Variants in ADNP observed in about 807,000 individuals in gnomAD.
ADNP encodes activity dependent neuroprotector homeobox, also known as activity-dependent neuroprotector homeobox protein.
A neutral mutation model predicts 84.9 loss-of-function variants in ADNP; 4 were observed. The ratio of observed to expected loss-of-function variants is 0.05; its 90% confidence interval spans 0.02 to 0.11. The LOEUF (loss-of-function observed/expected upper bound fraction) is 0.11. Among genes scored for constraint, ADNP ranks in the 10% least tolerant of loss-of-function variants. The pLI, the probability that ADNP is intolerant of heterozygous loss-of-function variation, is 1.00. For synonymous variants in ADNP, 554 were observed against 468.1 expected, an observed-to-expected ratio of 1.18 and a Z score of -2.37; for missense variants, 1,132 against 1,326.0, an observed-to-expected ratio of 0.85 and a Z score of 2.27.
intron 2 of ADNP, among the ~76,000 whole-genome samples, chr20:50,919,459 G>T (rs576472706): frequency 2.0e-5 from 3 of 152,028 alleles, no homozygotes; most frequent in East Asian, 1.9e-4. Context: ...TGGAACTTTG[G>T]TTTTTTTCCC....
Position 50,892,986 on chromosome 20 carries a change from A to C in ADNP, c.1728T>G (p.Ala576=). Residue 576 remains alanine (A), a synonymous_variant, in exon 6 of 6, where the codon GCT becomes GCG. Transcript: ENST00000621696. ...TTTGGGCATGGTAAGCAACAGATTC[A>C]GCTGGGGCATCCCTCAGATTGTATG... is the stretch of plus-strand genomic sequence containing the variant. ...VTTYNLRDAP[A]ESVAYHAQNN... is the part of the protein sequence containing the mutation. 6.2e-7 allele frequency: 1 copy of C among 1,614,236 alleles called. No homozygotes were observed. Among genetic ancestry groups the C allele is most frequent in the Non-Finnish European group, 8.5e-7 (1 of 1,180,040 alleles).
At chr20:50,907,769 GT>G (rs35227972) in intron 2 of ADNP, among the ~76,000 whole-genome samples, 7 of 116,408 alleles carry the variant, frequency 6.0e-5, no homozygotes, top group African/African-American at 2.7e-4. Context: ...GTGTGTGTGT[GT>G]TTTTTTTTGT....
chr20:50,914,445 AGT>A (rs1983341175), intron 2 of ADNP: 1 of 443,480 alleles, frequency 2.3e-6, no homozygotes, highest in African/African-American at 2.1e-5. Context: ...TGCTGTCCCC[AGT>A]GTCCTGGAAA....
In ADNP at chr20:50,891,293, A is replaced by C. The variant is rs372185319; in HGVS notation, c.*112T>G. 3.5e-6 allele frequency: 5 copies of C among 1,433,706 alleles called. No homozygotes were observed. 88.8% of individuals were successfully genotyped at this position (1,433,706 alleles called of 1,614,324 possible). On this transcript the variant is annotated 3_prime_UTR_variant, in exon 6 of 6. Transcript: ENST00000621696. Reference sequence around the variant, plus strand: ...TGGAACTGCAGCGGCCACATGCCCCACAGTCCAACCAGTACTCACAAGGCA... The same window carrying C: ...TGGAACTGCAGCGGCCACATGCCCCCCAGTCCAACCAGTACTCACAAGGCA...
intron 2 of ADNP, among the ~76,000 whole-genome samples, chr20:50,919,905 G>A (rs1429673022): frequency 6.6e-6 from 1 of 152,142 alleles, no homozygotes; most frequent in Non-Finnish European, 1.5e-5. Context: ...GCTGGAGTCT[G>A]CTGCCATGTC....
chr20:50,919,566 A>AGATAT (rs1983798870), intron 2 of ADNP, among the ~76,000 whole-genome samples: 2 of 152,182 alleles, frequency 1.3e-5, no homozygotes, highest in Non-Finnish European at 2.9e-5. Flanking sequence ...AAAGGCTTAC[A>AGATAT]GATATGACAT....
chr20:50,896,254 A>G (rs1156782999), intron 5 of ADNP, among the ~76,000 whole-genome samples: 1 of 151,956 alleles, frequency 6.6e-6, no homozygotes, highest in Non-Finnish European at 1.5e-5. Flanking sequence ...CAAAACAAAC[A>G]CATTGTACAG....
In ADNP at chr20:50,928,237, A is replaced by G. The variant is rs554813907; in HGVS notation, c.-90+414T>C. 5.9e-5 allele frequency among the ~76,000 whole-genome samples: 9 copies of G among 152,344 alleles called. No individual in the cohort carries two copies. The South Asian group carries it at 1.7e-3, about 28-fold the overall frequency. ...ATCTTGGTGTATTTATGTAACATAC[A>G]AAGTCTTAAAGGTACCCACAAACAT... On this transcript the variant is annotated intron_variant, in intron 2 of 5. Transcript: ENST00000621696.
In ADNP at chr20:50,902,099, T is replaced by G. The variant is rs779504010; in HGVS notation, c.119A>C (p.Gln40Pro). Residue 40 changes from glutamine to proline, a missense_variant, in exon 5 of 6, where the codon CAA (glutamine) becomes CCA (proline). Gln to Pro is a moderately conservative substitution (Grantham distance 76). Coordinates refer to ENST00000621696, the MANE Select transcript of ADNP (RefSeq NM_001282531.3). Reference sequence around the variant, plus strand: ...CAAATAAAAGTCATTAGGTTCAAATTGTTTAAAATCCTAGAAAACAGTGAA... The same window carrying G: ...CAAATAAAAGTCATTAGGTTCAAATGGTTTAAAATCCTAGAAAACAGTGAA... ...YCKEHIEDFK[Q>P]FEPNDFYLKN... The G allele has an allele frequency of 1.2e-6, 2 of 1,609,972 alleles. No homozygotes were observed. The highest frequency in any genetic ancestry group is 2.7e-5 in the African/African-American group (2 of 74,828).
chr20:50,893,397 G>C lies in ADNP; in HGVS notation c.1317C>G (p.Asn439Lys). The C allele has an allele frequency of 6.2e-7, 1 of 1,614,208 alleles. No individual in the cohort carries two copies. The highest frequency in any genetic ancestry group is 8.5e-7 in the Non-Finnish European group (1 of 1,180,036). ...TTTTCCACTTTTGAGTTGAGGAAGT[G>C]TTACCTGGGGGAGGGCCTGTGGCAG... ...AAAATGPPPG[N>K]TSSTQKWKIC... is the part of the protein sequence containing the mutation. The change falls in exon 6 of 6, where the codon AAC (asparagine) becomes AAG (lysine). Residue 439 changes from asparagine to lysine, a missense_variant. Transcript: ENST00000621696. The surrounding 1 kb of genome is among the most constrained non-coding windows in gnomAD (Gnocchi z 4.4).
chr20:50,893,749 A>T lies in ADNP; in HGVS notation c.965T>A (p.Met322Lys). ...GTTCTGCTGCAGATGAACACTGGAC[A>T]TCATGTTGACTCCTGTAGAATTTAA... The part of the protein sequence containing the change: ...PNLNSTGVNM[M>K]SSVHLQQNNY... Residue 322 changes from methionine (M) to lysine (K), a missense_variant, in exon 6 of 6, where the codon ATG (methionine) becomes AAG (lysine). Met to Lys is a moderately conservative substitution (Grantham distance 95). Transcript: ENST00000621696. The surrounding 1 kb of genome is among the most constrained non-coding windows in gnomAD (Gnocchi z 4.4). 1 of 1,614,168 alleles carries T rather than the reference A, an allele frequency of 6.2e-7. No homozygotes were observed. The highest frequency in any genetic ancestry group is 8.5e-7 in the Non-Finnish European group (1 of 1,180,032).
chr20:50,926,053 T>C (rs1278979493), intron 2 of ADNP, among the ~76,000 whole-genome samples: 3 of 152,310 alleles, frequency 2.0e-5, no homozygotes, highest in Admixed American at 6.5e-5. Flanking sequence ...TGAGCCGACA[T>C]TGGGCCACCG....
chr20:50,922,330 G>GT (rs1159730977), intron 2 of ADNP, among the ~76,000 whole-genome samples: 1 of 152,178 alleles, frequency 6.6e-6, no homozygotes, highest in African/African-American at 2.4e-5. Flanking sequence ...GACTCCAACT[G>GT]TAAGTCTGGG....
chr20:50,892,150 C>CTGGAATCCTTCT lies in ADNP; in HGVS notation c.2552_2563dup (p.Ser854_Arg855insLysLysAspSer). On this transcript the variant is annotated inframe_insertion, in exon 6 of 6. Transcript: ENST00000621696. ...GTCAGCAGTCTTACTAGCATTGACTCTGGAATCCTTCTCATCATGATTTTC... is the reference window on the plus strand; with the variant it reads ...GTCAGCAGTCTTACTAGCATTGACTCTGGAATCCTTCTTGGAATCCTTCTCATCATGATTTTC... 1 of 1,614,144 alleles carries CTGGAATCCTTCT rather than the reference C, an allele frequency of 6.2e-7. No individual in the cohort carries two copies. Among genetic ancestry groups the CTGGAATCCTTCT allele is most frequent in the Non-Finnish European group, 8.5e-7 (1 of 1,180,036 alleles).
rs1980556604 is a variant in ADNP, at chr20:50,890,343, TTTACA to T, written c.*1057_*1061del. The T allele has an allele frequency of 6.5e-6, 1 of 153,800 alleles. No individual in the cohort carries two copies. The highest frequency in any genetic ancestry group is 1.4e-5 in the Non-Finnish European group (1 of 69,192). The allele number at this position is 153,800 out of a possible 1,614,324, so 9.5% of individuals were successfully genotyped here. On this transcript the variant is annotated 3_prime_UTR_variant, in exon 6 of 6. Coordinates refer to ENST00000621696, the MANE Select transcript of ADNP (RefSeq NM_001282531.3). ...ACTGTCATGTGTAATAAAGCAAATATTTACATTAAGCACAATACAGCAATTTATTT... is the reference window on the plus strand; with the variant it reads ...ACTGTCATGTGTAATAAAGCAAATATTTAAGCACAATACAGCAATTTATTT...
In ADNP at chr20:50,890,486, A is replaced by G. The variant is rs1312203929; in HGVS notation, c.*919T>C. 1 of 152,642 alleles carries G rather than the reference A, an allele frequency of 6.6e-6. No individual in the cohort carries two copies. The highest frequency in any genetic ancestry group is 2.4e-5 in the African/African-American group (1 of 41,458). 9.5% of individuals were successfully genotyped at this position (152,642 alleles called of 1,614,324 possible). ...GAATCCACCATGATGGTGTTGAACT[A>G]AAGATAAAACTAAATATCCAAAATG... On this transcript the variant is annotated 3_prime_UTR_variant, in exon 6 of 6. Coordinates refer to ENST00000621696, the MANE Select transcript of ADNP (RefSeq NM_001282531.3).
rs1284805440 is a variant in ADNP at position 50,930,941 on chromosome 20, G to C, written c.-380C>G. The C allele has an allele frequency of 6.9e-6, 1 of 144,212 alleles. No individual in the cohort carries two copies. The highest frequency in any genetic ancestry group is 2.1e-4 in the East Asian group (1 of 4,846). 8.9% of individuals were successfully genotyped at this position (144,212 alleles called of 1,614,324 possible). A position where few individuals can be genotyped will look rare whatever the true frequency, so the allele number is the denominator to read the frequency against. ...TGGCGGCAGCGGGGAGGGCGCGCCC[G>C]GGGCCTCGTCGCGCTCCGGCTCGGC... On this transcript the variant is annotated 5_prime_UTR_variant, in exon 1 of 6. Transcript: ENST00000621696.
intron 2 of ADNP, among the ~76,000 whole-genome samples, chr20:50,921,471 G>GT (rs1182837575): frequency 2.6e-5 from 4 of 152,170 alleles, no homozygotes; most frequent in African/African-American, 9.7e-5. Flanking sequence ...TAGATTTTGC[G>GT]TATCTTAAGT....
In ADNP at chr20:50,901,721, T is replaced by C. The variant is rs574306868; in HGVS notation, c.201+296A>G. Among the ~76,000 whole-genome samples the C allele has an allele frequency of 6.6e-5, 10 of 152,270 alleles. No homozygotes were observed. The East Asian group carries it at 1.9e-3, about 29-fold the overall frequency. The stretch of plus-strand genomic sequence containing the variant: ...GAAAAAACAAGAATGGCAACACAGA[T>C]GCAGAAAAATAGAGCCAGAGCACTT... On this transcript the variant is annotated intron_variant, in intron 5 of 5. Coordinates refer to ENST00000621696, the MANE Select transcript of ADNP (RefSeq NM_001282531.3).
Sources: gnomAD v4.1 joint callset for allele counts (sites outside exome capture counted in the v4.1 genomes callset) on GRCh38, gnomAD v4.1.1 for gene constraint, Gnocchi (gnomAD v3.1) non-coding constraint, MANE v1.5 for transcripts, NCBI Gene and HGNC (gene_info 2026-07-23, HGNC 2026-07-21) for gene names.